The following CCL26 variants were observed in gnomAD, a reference collection of about 807,000 sequenced individuals.
CCL26 encodes the protein C-C motif chemokine 26.
A neutral mutation model predicts 10.7 loss-of-function variants in CCL26; 10 were observed. That is an observed-to-expected ratio of 0.93 (90% CI 0.57 to 1.58). The LOEUF is 1.58. Ranked by LOEUF, CCL26 falls within the 40% of genes most tolerant of loss-of-function variation. CCL26 has a pLI of 0.00. For missense variants in CCL26, 116 were observed against 111.0 expected (o/e 1.05, Z -0.20); for synonymous variants, 43 against 41.4 (o/e 1.04, Z -0.15).
intron 1 of CCL26, among the ~76,000 whole-genome samples, chr7:75,787,439 T>G (rs1803221356): frequency 6.6e-6 from 1 of 151,580 alleles, no homozygotes; most frequent in Non-Finnish European, 1.5e-5. Flanking sequence ...GGTCAGAAGA[T>G]CAAGATCATC....
At chr7:75,786,649 C>G (rs1436981757) in intron 1 of CCL26, among the ~76,000 whole-genome samples, 1 of 152,196 alleles carries the variant, frequency 6.6e-6, no homozygotes, top group Non-Finnish European at 1.5e-5. Flanking sequence ...CAGGGCAACG[C>G]TTATGCTGAT....
At chr7:75,784,591 C>T (rs1225974041) in intron 1 of CCL26, among the ~76,000 whole-genome samples, 7 of 152,144 alleles carry the variant, frequency 4.6e-5, no homozygotes, top group Non-Finnish European at 8.8e-5. Context: ...GGCTTCTAAA[C>T]CTCTTAAAAC....
At chr7:75,777,155 C>G (rs1405014058), upstream of CCL26, among the ~76,000 whole-genome samples, 3 of 152,142 alleles carry the variant, frequency 2.0e-5, no homozygotes, top group African/African-American at 7.2e-5. Flanking sequence ...TCGCTTGAAC[C>G]TGGGAGGTGG....
intron 2 of CCL26, among the ~76,000 whole-genome samples, chr7:75,771,449 A>G (rs1439555002): frequency 2.0e-5 from 3 of 152,138 alleles, no homozygotes; most frequent in Admixed American, 6.6e-5. Flanking sequence ...GGCTGGGTCC[A>G]GTGACTCACA....
intron 1 of CCL26, among the ~76,000 whole-genome samples, chr7:75,788,242 C>A (rs1457266436): frequency 6.6e-6 from 1 of 152,144 alleles, no homozygotes; most frequent in Non-Finnish European, 1.5e-5. Flanking sequence ...CCTGAAGTAA[C>A]TGAAGAATCA....
At chr7:75,787,672 A>AAAAAAAAAAC (rs1563341195) in intron 1 of CCL26, among the ~76,000 whole-genome samples, 2 of 128,846 alleles carry the variant, frequency 1.6e-5, no homozygotes, top group South Asian at 2.8e-4. Flanking sequence ...AAAAAAAAAA[A>AAAAAAAAAAC]AAGACACACC....
At chr7:75,773,452 C>G (rs1379741086), upstream of CCL26, among the ~76,000 whole-genome samples, 2 of 151,668 alleles carry the variant, frequency 1.3e-5, no homozygotes, top group South Asian at 2.1e-4. Context: ...GATGAGGTCT[C>G]TCTATGTGGC....
chr7:75,777,432 A>C (rs1242632316), intron 1 of CCL26, among the ~76,000 whole-genome samples: 2 of 152,072 alleles, frequency 1.3e-5, no homozygotes, highest in Non-Finnish European at 2.9e-5. Flanking sequence ...CTTGCAACTC[A>C]CAACCTAATG....
chr7:75,769,825 ACT>A (rs782636743), intron 2 of CCL26, 36 bp from the exon 3 acceptor site: 4 of 1,284,146 alleles, frequency 3.1e-6, no homozygotes, highest in Non-Finnish European at 4.5e-6. Context: ...CAATATTGAG[ACT>A]CTTTGCCTCC....
chr7:75,771,919 G>A lies in CCL26; in HGVS notation c.158C>T (p.Thr53Ile). The stretch of plus-strand genomic sequence containing the variant: ...AGCCCGCTGGGAGCAGCTGTTACTG[G>A]TGAATTCATAGCTTCGCACCCAGGT... Reference protein sequence around the residue: ...PWTWVRSYEFTSNSCSQRAVI... With the variant: ...PWTWVRSYEFISNSCSQRAVI... Residue 53 changes from threonine to isoleucine, a missense_variant, in exon 2 of 3, where the codon ACC (threonine) becomes ATC (isoleucine). Coordinates refer to ENST00000005180, the MANE Select transcript of CCL26 (RefSeq NM_001371938.1). The A allele has an allele frequency of 6.2e-7, 1 of 1,613,820 alleles. No individual in the cohort carries two copies. Among genetic ancestry groups the A allele is most frequent in the Non-Finnish European group, 8.5e-7 (1 of 1,179,712 alleles).
upstream of CCL26, among the ~76,000 whole-genome samples, chr7:75,773,117 G>C (rs1299483054): frequency 2.0e-5 from 3 of 152,108 alleles, no homozygotes; most frequent in Admixed American, 2.0e-4. Flanking sequence ...GGGGGCATTT[G>C]AGAGATCTAA....
intron 1 of CCL26, among the ~76,000 whole-genome samples, chr7:75,780,638 T>A (rs1234867092): frequency 6.6e-6 from 1 of 152,096 alleles, no homozygotes; most frequent in Non-Finnish European, 1.5e-5. Context: ...CTTTTACACA[T>A]CAGTCCCTCG....
intron 1 of CCL26, among the ~76,000 whole-genome samples, chr7:75,779,163 C>A (rs907262687): frequency 2.0e-5 from 3 of 152,022 alleles, no homozygotes; most frequent in Non-Finnish European, 2.9e-5. Context: ...TTTTCCATTA[C>A]CTACCCAAAT....
At chr7:75,783,700 TGG>T (rs1554529671) in intron 1 of CCL26, among the ~76,000 whole-genome samples, 27 of 147,642 alleles carry the variant, frequency 1.8e-4, no homozygotes, top group African/African-American at 6.3e-4. Flanking sequence ...GGCAGGAGAA[TGG>T]CGTGAACCCG....
chr7:75,786,600 T>A (rs1803189102), intron 1 of CCL26, among the ~76,000 whole-genome samples: 1 of 151,990 alleles, frequency 6.6e-6, no homozygotes, highest in Admixed American at 6.6e-5. Flanking sequence ...AAAGCTGGAG[T>A]CAAAGCAGGG....
chr7:75,781,226 G>T (rs1554529413), intron 1 of CCL26, among the ~76,000 whole-genome samples: 3 of 152,198 alleles, frequency 2.0e-5, no homozygotes, highest in Non-Finnish European at 4.4e-5. Context: ...CCCCACGACA[G>T]GACTTAATTA....
intron 1 of CCL26, among the ~76,000 whole-genome samples, chr7:75,781,734 C>T (rs1803068651): frequency 6.6e-6 from 1 of 151,982 alleles, no homozygotes; most frequent in Admixed American, 6.6e-5. Context: ...CATCTTGTGA[C>T]CCCCGCCCCT....
At chr7:75,787,596 G>C (rs1236210027) in intron 1 of CCL26, among the ~76,000 whole-genome samples, 1 of 127,232 alleles carries the variant, frequency 7.9e-6, no homozygotes, top group Non-Finnish European at 1.6e-5. Flanking sequence ...AGTGAGCCGG[G>C]ATCACACCAC....
chr7:75,779,925 C>A (rs374655408), intron 1 of CCL26, among the ~76,000 whole-genome samples: 1 of 149,924 alleles, frequency 6.7e-6, no homozygotes, highest in Non-Finnish European at 1.5e-5. Context: ...GGGGCAAGCA[C>A]CCCCCTCCCC....
Sources: allele counts gnomAD v4.1 joint callset (sites outside exome capture counted in the v4.1 genomes callset), GRCh38; gene constraint gnomAD v4.1.1; transcripts MANE v1.5; gene names NCBI Gene and HGNC (gene_info 2026-07-23, HGNC 2026-07-21).